DOCK3: variants seen among roughly 807,000 people sequenced by gnomAD.
DOCK3 encodes the protein dedicator of cytokinesis protein 3.
Under a neutral mutation model 265.6 loss-of-function variants are expected in DOCK3, and 60 were observed. The observed-to-expected ratio is 0.23, with a 90% CI of 0.18 to 0.28. The LOEUF (loss-of-function observed/expected upper bound fraction) is 0.28, where lower values mean the gene tolerates loss of function less well. Ranked by LOEUF, DOCK3 falls within the 10% of genes least tolerant of loss-of-function variation. The probability of loss-of-function intolerance (pLI) is 1.00; values close to 1 mark genes in which losing one functional copy is unlikely to be tolerated. For missense variants in DOCK3, 1,981 were observed against 2,594.3 expected (o/e 0.76, Z 5.14); for synonymous variants, 881 against 938.0 (o/e 0.94, Z 1.11).
At chr3:51,186,229 AG>A in intron 12 of DOCK3, among the ~76,000 whole-genome samples, 1 of 152,298 alleles carries the variant, frequency 6.6e-6, no homozygotes, top group South Asian at 2.1e-4. Context: ...TGGTAACTGG[AG>A]CAAAGATGAC....
intron 2 of DOCK3, among the ~76,000 whole-genome samples, chr3:50,820,415 A>T (rs1287953977): frequency 6.6e-6 from 1 of 152,238 alleles, no homozygotes; most frequent in Non-Finnish European, 1.5e-5. Flanking sequence ...ATAAGTGAGA[A>T]CATGTGTATT....
chr3:50,988,106 C>G (rs2077970351), intron 5 of DOCK3, among the ~76,000 whole-genome samples: 1 of 152,188 alleles, frequency 6.6e-6, no homozygotes, highest in Admixed American at 6.5e-5. Flanking sequence ...CCTCTGGTAG[C>G]AGCATTGCAC....
chr3:51,147,136 A>T lies in DOCK3; in HGVS notation c.828+506A>T, dbSNP rs567362602. Among the ~76,000 whole-genome samples, 18 of 152,276 alleles carry T rather than the reference A, an allele frequency of 1.2e-4. 1 individual carries two copies. The South Asian group carries it at 3.7e-3, about 32-fold the overall frequency. The stretch of plus-strand genomic sequence containing the variant: ...CTGTCTCAAAAAAAAAACAAAAAAA[A>T]ATATGACATAGGTCTTTCTTACTGT... On this transcript the variant is annotated intron_variant, in intron 10 of 52. Coordinates refer to ENST00000266037, the MANE Select transcript of DOCK3 (RefSeq NM_004947.5).
intron 9 of DOCK3, among the ~76,000 whole-genome samples, chr3:51,106,762 A>G (rs574908076): frequency 4.6e-5 from 7 of 152,320 alleles, no homozygotes; most frequent in East Asian, 3.9e-4. Flanking sequence ...AAATGTGAGC[A>G]TAGTCACTAA....
intron 1 of DOCK3, among the ~76,000 whole-genome samples, chr3:50,734,207 T>C (rs936493566): frequency 2.0e-5 from 3 of 152,202 alleles, no homozygotes; most frequent in Non-Finnish European, 2.9e-5. Context: ...TTTTTATTTG[T>C]CAATTAAAAA....
intron 5 of DOCK3, among the ~76,000 whole-genome samples, chr3:51,018,727 T>A (rs1157808294): frequency 1.3e-5 from 2 of 151,892 alleles, no homozygotes; most frequent in East Asian, 3.8e-4. Context: ...ATAACAGGTA[T>A]GGCATTTTCC....
intron 2 of DOCK3, among the ~76,000 whole-genome samples, chr3:50,779,989 G>C (rs1468193093): frequency 6.6e-6 from 1 of 152,206 alleles, no homozygotes; most frequent in Non-Finnish European, 1.5e-5. Flanking sequence ...GTATATGGGA[G>C]TGGAGCTCTA....
chr3:51,019,700 G>C (rs749188340), intron 5 of DOCK3, among the ~76,000 whole-genome samples: 1 of 130,272 alleles, frequency 7.7e-6, no homozygotes, highest in Non-Finnish European at 1.6e-5. Context: ...TCATCATTCA[G>C]CTCCCACTTA....
chr3:51,324,538 C>T (rs1402307725), intron 32 of DOCK3, among the ~76,000 whole-genome samples: 2 of 152,204 alleles, frequency 1.3e-5, no homozygotes, highest in Non-Finnish European at 2.9e-5. Flanking sequence ...CTACCGTTGA[C>T]TTTCTTCACA....
chr3:51,173,100 C>T (rs954135278), intron 12 of DOCK3, among the ~76,000 whole-genome samples: 1 of 151,956 alleles, frequency 6.6e-6, no homozygotes, highest in African/African-American at 2.4e-5. Flanking sequence ...GTATACTTAC[C>T]TTTACCAGTG....
intron 37 of DOCK3, among the ~76,000 whole-genome samples, chr3:51,340,548 A>G (rs1207507588): frequency 2.0e-5 from 3 of 152,222 alleles, no homozygotes; most frequent in Non-Finnish European, 4.4e-5. Flanking sequence ...AGATTTGAGT[A>G]GGGCCTTGAA....
At position 51,257,344 on chromosome 3, in the gene DOCK3, G is replaced by A. The variant is rs544828417; in HGVS notation, c.2185-2812G>A. Among the ~76,000 whole-genome samples the A allele has an allele frequency of 3.9e-5, 6 of 152,234 alleles. No individual in the cohort carries two copies. In the South Asian group the frequency reaches 6.2e-4, roughly 16 times the overall value. On this transcript the variant is annotated intron_variant, in intron 22 of 52. Coordinates refer to ENST00000266037, the MANE Select transcript of DOCK3 (RefSeq NM_004947.5). ...TTCTCATTCCAGTATCAAAAGCTAT[G>A]AACCAGGAAACTTCTTCCTTAATAC...
At chr3:50,954,633 G>GA (rs1182376940) in intron 5 of DOCK3, among the ~76,000 whole-genome samples, 3 of 151,996 alleles carry the variant, frequency 2.0e-5, no homozygotes, top group African/African-American at 7.3e-5. Context: ...ATTTTCTTTG[G>GA]AAAAATGCCT....
intron 3 of DOCK3, among the ~76,000 whole-genome samples, chr3:50,865,960 A>G (rs879079191): frequency 6.6e-6 from 1 of 152,074 alleles, no homozygotes; most frequent in African/African-American, 2.4e-5. Flanking sequence ...TTCTTTTGAG[A>G]AATGTGTGTT....
At chr3:51,348,791 A>T in intron 38 of DOCK3, 61 bp from the exon 39 acceptor site, 2 of 1,500,072 alleles carry the variant, frequency 1.3e-6, no homozygotes, top group Non-Finnish European at 1.8e-6. Context: ...GATGTGTTTA[A>T]TGTGGGCTTA....
intron 9 of DOCK3, among the ~76,000 whole-genome samples, chr3:51,099,038 A>G (rs184724464): frequency 6.6e-6 from 1 of 152,374 alleles, no homozygotes; most frequent in Admixed American, 6.5e-5. Context: ...GTGAAACTTT[A>G]TAATCCTGTT....
chr3:51,047,482 G>T (rs1294791600), intron 5 of DOCK3, among the ~76,000 whole-genome samples: 2 of 151,676 alleles, frequency 1.3e-5, no homozygotes, highest in Non-Finnish European at 2.9e-5. Context: ...CAAAAAGATG[G>T]TTTTTTGAAA....
chr3:51,273,957 T>C (rs1166955616), intron 24 of DOCK3, among the ~76,000 whole-genome samples: 2 of 152,178 alleles, frequency 1.3e-5, no homozygotes, highest in African/African-American at 4.8e-5. Context: ...AAATGTATTA[T>C]AGAAGAGGCC....
intron 1 of DOCK3, among the ~76,000 whole-genome samples, chr3:50,689,441 A>C (rs1409852401): frequency 6.6e-6 from 1 of 152,192 alleles, no homozygotes; most frequent in African/African-American, 2.4e-5. Flanking sequence ...GCCAAGCAAA[A>C]GGGGGAAAAG....
Sources: gnomAD v4.1 joint callset for allele counts (sites outside exome capture counted in the v4.1 genomes callset) on GRCh38, gnomAD v4.1.1 for gene constraint, MANE v1.5 for transcripts, NCBI Gene and HGNC (gene_info 2026-07-23, HGNC 2026-07-21) for gene names.